Variants in CTIF observed in about 807,000 individuals in gnomAD.
The protein encoded by CTIF is cap binding complex dependent translation initiation factor.
CTIF carries 21 observed loss-of-function variants against 66.0 expected under a neutral mutation model. The observed-to-expected ratio is 0.32, with a 90% CI of 0.23 to 0.46. CTIF has a LOEUF of 0.46. Ranked by LOEUF, CTIF falls within the 20% of genes least tolerant of loss-of-function variation. CTIF has a pLI of 1.00. For synonymous variants in CTIF, 345 were observed against 326.4 expected (o/e 1.06, Z -0.62); for missense variants, 739 against 812.7 (o/e 0.91, Z 1.10).
At chr18:48,614,354 G>T (rs1460612683) in intron 1 of CTIF, among the ~76,000 whole-genome samples, 1 of 152,166 alleles carries the variant, frequency 6.6e-6, no homozygotes, top group African/African-American at 2.4e-5. Context: ...ACTTTTCTAG[G>T]TGGATACCCC....
intron 7 of CTIF, among the ~76,000 whole-genome samples, chr18:48,725,578 C>G (rs944635853): frequency 6.6e-6 from 1 of 152,200 alleles, no homozygotes; most frequent in Non-Finnish European, 1.5e-5. Flanking sequence ...CCTCTACTCT[C>G]ATGCGGCCCC....
chr18:48,702,682 A>C (rs1350606837), intron 6 of CTIF, among the ~76,000 whole-genome samples: 1 of 152,178 alleles, frequency 6.6e-6, no homozygotes, highest in Non-Finnish European at 1.5e-5. Flanking sequence ...TTTTAAAAGG[A>C]TCTCTGCTGA....
chr18:48,747,674 A>G (rs1907363338), intron 7 of CTIF, among the ~76,000 whole-genome samples: 1 of 152,006 alleles, frequency 6.6e-6, no homozygotes, highest in African/African-American at 2.4e-5. Flanking sequence ...TGAGAGGCCA[A>G]GGTAGAAGGA....
Position 48,591,164 on chromosome 18 carries a change from A to G in CTIF, c.-28-28374A>G, listed in dbSNP as rs566642014. The stretch of plus-strand genomic sequence containing the variant: ...CTTGTCCATGGAGACTGGCTGACCC[A>G]TCTCATGTTCTATAGCTCAGATCTA... On this transcript the variant is annotated intron_variant, in intron 1 of 11. Transcript: ENST00000256413. Among the ~76,000 whole-genome samples, 4 of 152,260 alleles carry G rather than the reference A, an allele frequency of 2.6e-5. No homozygotes were observed. In the East Asian group the frequency reaches 7.7e-4, roughly 29 times the overall value.
At chr18:48,658,639 G>A (rs1010056715) in intron 3 of CTIF, among the ~76,000 whole-genome samples, 18 of 152,138 alleles carry the variant, frequency 1.2e-4, no homozygotes, top group Admixed American at 1.2e-3. Context: ...CATGTATGGT[G>A]TGTATTATGT....
chr18:48,645,097 A>G lies in CTIF; in HGVS notation c.252+8412A>G, dbSNP rs73957000. On this transcript the variant is annotated intron_variant, in intron 3 of 11. Transcript: ENST00000256413. ...TTCTTATCTATATTTCTCCTGCTAA[A>G]TACAACTAAAAACCCAAGACATTCT... Among the ~76,000 whole-genome samples, 547 of 152,296 alleles carry G rather than the reference A, an allele frequency of 3.6e-3. 3 individuals carry two copies. The highest frequency in any genetic ancestry group is 0.013 in the African/African-American group (530 of 41,552).
At chr18:48,763,525 G>A (rs1052083803) in intron 9 of CTIF, among the ~76,000 whole-genome samples, 5 of 152,336 alleles carry the variant, frequency 3.3e-5, no homozygotes, top group African/African-American at 9.6e-5. Flanking sequence ...GTTTGGCTCC[G>A]TTTAACTCAA....
chr18:48,549,956 T>A (rs936686197), intron 1 of CTIF, among the ~76,000 whole-genome samples: 1 of 152,196 alleles, frequency 6.6e-6, no homozygotes, highest in Non-Finnish European at 1.5e-5. Flanking sequence ...TTTTTTTATA[T>A]CTCAATATTG....
chr18:48,703,381 C>T (rs773566787), intron 6 of CTIF, among the ~76,000 whole-genome samples: 2 of 152,164 alleles, frequency 1.3e-5, no homozygotes, highest in Admixed American at 6.5e-5. Context: ...GACCTCCCAC[C>T]CCTTCCCTGG....
At chr18:48,825,524 C>A (rs2068566283) in intron 10 of CTIF, among the ~76,000 whole-genome samples, 1 of 152,226 alleles carries the variant, frequency 6.6e-6, no homozygotes, top group Non-Finnish European at 1.5e-5. Flanking sequence ...CAGGGGAAAT[C>A]TGACCTCGGA....
intron 6 of CTIF, among the ~76,000 whole-genome samples, chr18:48,675,617 G>A (rs867588182): frequency 5.9e-5 from 9 of 152,328 alleles, no homozygotes; most frequent in African/African-American, 2.2e-4. Context: ...ATGGCGAGGT[G>A]CAAGAGGCAG....
intron 9 of CTIF, among the ~76,000 whole-genome samples, chr18:48,805,525 G>T (rs2068128198): frequency 6.6e-6 from 1 of 152,090 alleles, no homozygotes; most frequent in African/African-American, 2.4e-5. Context: ...CGTCAACTGT[G>T]ACCCCACCAC....
rs59456710 is a variant in CTIF, at chr18:48,623,540, G to GT, written c.180+3806dup. ...TATTTCTGCTAAAGCACTTTGGCTT[G>GT]TTTTTTTTTTTAATCTGATGACTAG... On this transcript the variant is annotated intron_variant, in intron 2 of 11. Transcript: ENST00000256413. Among the ~76,000 whole-genome samples the GT allele has an allele frequency of 4.7e-3, 659 of 139,128 alleles. 2 individuals are homozygous for GT. Among genetic ancestry groups the GT allele is most frequent in the African/African-American group, 0.015 (558 of 37,908 alleles). The allele number at this position is 139,128 out of a possible 152,430, so 91.3% of individuals were successfully genotyped here.
At chr18:48,754,969 AGTT>A (rs1267010118) in intron 7 of CTIF, among the ~76,000 whole-genome samples, 2 of 152,312 alleles carry the variant, frequency 1.3e-5, no homozygotes, top group Non-Finnish European at 2.9e-5. Flanking sequence ...GGTAGATAGA[AGTT>A]GTTTTCTTTT....
chr18:48,646,872 A>C (rs1210901834), intron 3 of CTIF, among the ~76,000 whole-genome samples: 1 of 137,638 alleles, frequency 7.3e-6, no homozygotes, highest in Non-Finnish European at 1.5e-5. Context: ...AGAATGGTAT[A>C]GCCATTCTGG....
At chr18:48,668,689 G>A (rs1408765218) in intron 5 of CTIF, among the ~76,000 whole-genome samples, 1 of 152,046 alleles carries the variant, frequency 6.6e-6, no homozygotes, top group Non-Finnish European at 1.5e-5. Context: ...GCCTTTGCCT[G>A]CGCCGTGTCA....
At chr18:48,846,384 GT>G (rs1271981723) in intron 10 of CTIF, among the ~76,000 whole-genome samples, 1 of 152,114 alleles carries the variant, frequency 6.6e-6, no homozygotes, top group Non-Finnish European at 1.5e-5. Flanking sequence ...TGTTCCTCTT[GT>G]TATCCCTGTA....
chr18:48,581,540 G>A (rs2089656556), intron 1 of CTIF, among the ~76,000 whole-genome samples: 1 of 152,168 alleles, frequency 6.6e-6, no homozygotes, highest in East Asian at 1.9e-4. Flanking sequence ...CTTCATCTGA[G>A]GGGAGAGAGA....
intron 9 of CTIF, among the ~76,000 whole-genome samples, chr18:48,797,032 T>C (rs564585836): frequency 2.2e-4 from 33 of 152,330 alleles, no homozygotes; most frequent in African/African-American, 7.9e-4. Context: ...AGGTCTCCAA[T>C]GTACTTGTCA....
Sources: gnomAD v4.1 joint callset for allele counts (sites outside exome capture counted in the v4.1 genomes callset) on GRCh38, gnomAD v4.1.1 for gene constraint, MANE v1.5 for transcripts, NCBI Gene and HGNC (gene_info 2026-07-23, HGNC 2026-07-21) for gene names.